GPC6: variants seen among roughly 807,000 people sequenced by gnomAD.
GPC6 encodes the protein glypican 6, also known as glypican-6.
Under a neutral mutation model 55.2 loss-of-function variants are expected in GPC6, and 14 were observed. The ratio of observed to expected loss-of-function variants is 0.25; its 90% CI spans 0.17 to 0.40. The LOEUF (loss-of-function observed/expected upper bound fraction) is 0.40. Among genes scored for constraint, GPC6 ranks in the 10% least tolerant of loss-of-function variants. The pLI, the probability that GPC6 is intolerant of heterozygous loss-of-function variation, is 1.00. For synonymous variants in GPC6, 278 were observed against 259.6 expected (o/e 1.07, Z -0.68); for missense variants, 641 against 708.5 (o/e 0.90, Z 1.08).
intron 6 of GPC6, among the ~76,000 whole-genome samples, chr13:94,325,752 A>C (rs926196717): frequency 7.9e-5 from 12 of 152,152 alleles, no homozygotes; most frequent in Non-Finnish European, 1.3e-4. Context: ...GCTCCTTCCC[A>C]ACCCTTTTGA....
At chr13:93,692,631 T>A (rs995414738) in intron 2 of GPC6, among the ~76,000 whole-genome samples, 1 of 152,070 alleles carries the variant, frequency 6.6e-6, no homozygotes, top group African/African-American at 2.4e-5. Flanking sequence ...CCATCTTAAA[T>A]TTTAGTACTT....
chr13:93,999,499 CAT>C (rs1419988742), intron 3 of GPC6, among the ~76,000 whole-genome samples: 3 of 152,166 alleles, frequency 2.0e-5, no homozygotes, highest in Non-Finnish European at 2.9e-5. Flanking sequence ...TACGTGTGCA[CAT>C]GTCTTTATAG....
At chr13:93,309,460 C>T (rs1192423674) in intron 1 of GPC6, among the ~76,000 whole-genome samples, 1 of 151,956 alleles carries the variant, frequency 6.6e-6, no homozygotes, top group Non-Finnish European at 1.5e-5. Context: ...ATTTTAAAAG[C>T]ACTTTGTCAA....
intron 1 of GPC6, among the ~76,000 whole-genome samples, chr13:93,453,997 G>A (rs911343750): frequency 6.6e-6 from 1 of 152,132 alleles, no homozygotes; most frequent in African/African-American, 2.4e-5. Context: ...ACAGGGCGCT[G>A]ATTGGTGCAT....
intron 3 of GPC6, among the ~76,000 whole-genome samples, chr13:93,948,162 C>G (rs1180044717): frequency 6.6e-6 from 1 of 152,120 alleles, no homozygotes; most frequent in Non-Finnish European, 1.5e-5. Flanking sequence ...TAACAACAGA[C>G]ACTTTTCTCC....
At chr13:93,674,703 T>C (rs1335884246) in intron 2 of GPC6, among the ~76,000 whole-genome samples, 1 of 152,196 alleles carries the variant, frequency 6.6e-6, no homozygotes, top group East Asian at 1.9e-4. Flanking sequence ...TGATTTAGTG[T>C]TGTGCTGATG....
chr13:94,049,852 C>T (rs1883877759), intron 4 of GPC6, among the ~76,000 whole-genome samples: 1 of 152,134 alleles, frequency 6.6e-6, no homozygotes, highest in South Asian at 2.1e-4. Flanking sequence ...ATAATCCCCA[C>T]ATGTTGTGGG....
intron 1 of GPC6, among the ~76,000 whole-genome samples, chr13:93,469,922 A>G (rs566968751): frequency 1.3e-5 from 2 of 152,204 alleles, no homozygotes; most frequent in Admixed American, 6.5e-5. Context: ...AAATTTAATG[A>G]CCATATTGGG....
At chr13:93,409,548 T>G (rs1876420304) in intron 1 of GPC6, among the ~76,000 whole-genome samples, 2 of 152,152 alleles carry the variant, frequency 1.3e-5, no homozygotes, top group African/African-American at 4.8e-5. Flanking sequence ...CTCTTTCAAC[T>G]TGCATCTATG....
At chr13:94,287,280 T>C (rs1297483076) in intron 5 of GPC6, among the ~76,000 whole-genome samples, 2 of 152,212 alleles carry the variant, frequency 1.3e-5, no homozygotes, top group African/African-American at 4.8e-5. Context: ...ATCAGTCCTT[T>C]AAACCCAGTG....
At chr13:93,985,689 CAAAAAA>C (rs34003218) in intron 3 of GPC6, among the ~76,000 whole-genome samples, 336 of 69,414 alleles carry the variant, frequency 4.8e-3, no homozygotes, top group African/African-American at 8.4e-3. Context: ...AAGACCTGGC[CAAAAAA>C]AAAAAAAAAA....
At chr13:93,360,959 G>A (rs2139177277) in intron 1 of GPC6, among the ~76,000 whole-genome samples, 1 of 152,218 alleles carries the variant, frequency 6.6e-6, no homozygotes, top group South Asian at 2.1e-4. Flanking sequence ...GATCTATTGT[G>A]CAGTGTTTGG....
At chr13:93,794,959 A>G (rs1265131602) in intron 2 of GPC6, among the ~76,000 whole-genome samples, 1 of 152,236 alleles carries the variant, frequency 6.6e-6, no homozygotes, top group Non-Finnish European at 1.5e-5. Context: ...ATTGGGTAGC[A>G]TAGCAAATGG....
At chr13:93,681,346 T>A (rs1881839598) in intron 2 of GPC6, among the ~76,000 whole-genome samples, 2 of 152,186 alleles carry the variant, frequency 1.3e-5, no homozygotes, top group African/African-American at 2.4e-5. Context: ...GTATTACTTT[T>A]GATAATTCTG....
intron 2 of GPC6, among the ~76,000 whole-genome samples, chr13:93,727,947 T>C (rs768464257): frequency 3.3e-5 from 5 of 152,136 alleles, no homozygotes; most frequent in Non-Finnish European, 7.3e-5. Flanking sequence ...GCCTGTTTGC[T>C]GTGACTGTGT....
chr13:94,132,896 AC>A (rs1887050575), intron 4 of GPC6, among the ~76,000 whole-genome samples: 1 of 152,194 alleles, frequency 6.6e-6, no homozygotes, highest in Non-Finnish European at 1.5e-5. Flanking sequence ...AGTATAGTAG[AC>A]AGTATACATT....
At chr13:93,623,138 A>C (rs1228215456) in intron 2 of GPC6, among the ~76,000 whole-genome samples, 1 of 152,040 alleles carries the variant, frequency 6.6e-6, no homozygotes, top group Non-Finnish European at 1.5e-5. Flanking sequence ...TTCATGCCAC[A>C]TTTTCTTTAT....
intron 2 of GPC6, among the ~76,000 whole-genome samples, chr13:93,704,604 G>A (rs183858404): frequency 1.4e-3 from 209 of 152,022 alleles, no homozygotes; most frequent in African/African-American, 4.9e-3. Context: ...TTTTACTCAT[G>A]GAAGTCAATG....
chr13:93,500,171 C>T (rs1197312633), intron 1 of GPC6, among the ~76,000 whole-genome samples: 1 of 152,128 alleles, frequency 6.6e-6, no homozygotes, highest in African/African-American at 2.4e-5. Context: ...TCCAGGTTGG[C>T]ATTTGGTGTG....
Sources: gnomAD v4.1 joint callset for allele counts (sites outside exome capture counted in the v4.1 genomes callset) on GRCh38, gnomAD v4.1.1 for gene constraint, MANE v1.5 for transcripts, NCBI Gene and HGNC (gene_info 2026-07-23, HGNC 2026-07-21) for gene names.